CDH10: variants seen among roughly 807,000 people sequenced by gnomAD.
CDH10 encodes cadherin 10.
In CDH10, 30 loss-of-function variants were observed where a neutral mutation model predicts 73.1. That is an observed-to-expected ratio of 0.41 (90% CI 0.31 to 0.56). The LOEUF is 0.56. CDH10 is among the 20% of genes least tolerant of loss of function. CDH10 has a pLI of 0.27. For synonymous variants in CDH10, 345 were observed against 348.2 expected, an observed-to-expected ratio of 0.99 and a Z score of 0.10; for missense variants, 815 against 973.7, an observed-to-expected ratio of 0.84 and a Z score of 2.17.
intron 10 of CDH10, 77 bp downstream of exon 10, chr5:24,492,740 T>C (rs1263131685): frequency 2.8e-6 from 2 of 725,696 alleles, no homozygotes; most frequent in Non-Finnish European, 5.0e-6. Context: ...ATATGGCATA[T>C]ATATTGCAAT....
chr5:24,612,258 G>A (rs1746975178), intron 1 of CDH10: 1 of 152,150 alleles, frequency 6.6e-6, no homozygotes, highest in South Asian at 2.1e-4. Context: ...TCATATGTGT[G>A]TGAAGGGACA....
intron 8 of CDH10, among the ~76,000 whole-genome samples, chr5:24,498,976 C>T (rs1388772134): frequency 6.6e-6 from 1 of 151,970 alleles, no homozygotes; most frequent in East Asian, 1.9e-4. Context: ...AGCAAAAGAA[C>T]AAAGCTTCCA....
chr5:24,596,351 C>A (rs1475117656), intron 1 of CDH10, among the ~76,000 whole-genome samples: 1 of 151,824 alleles, frequency 6.6e-6, no homozygotes, highest in African/African-American at 2.4e-5. Context: ...GCTTTTTCCA[C>A]CCTATGGCTC....
intron 2 of CDH10, among the ~76,000 whole-genome samples, chr5:24,573,593 C>T (rs1425444584): frequency 1.3e-5 from 2 of 150,856 alleles, no homozygotes; most frequent in Admixed American, 1.3e-4. Flanking sequence ...CCCAGCTACT[C>T]CGGAGGCTGA....
At chr5:24,500,915 A>T (rs536130896) in intron 8 of CDH10, among the ~76,000 whole-genome samples, 1 of 143,266 alleles carries the variant, frequency 7.0e-6, no homozygotes, top group East Asian at 2.0e-4. Context: ...AGAAGTGGAG[A>T]GAGGAGGGAA....
intron 1 of CDH10, among the ~76,000 whole-genome samples, chr5:24,601,738 CT>C (rs1746571874): frequency 6.6e-6 from 1 of 150,626 alleles, no homozygotes; most frequent in Admixed American, 6.6e-5. Context: ...ATTTTTTTTT[CT>C]TTTTTTAAGA....
chr5:24,632,360 C>T (rs1747731964), intron 1 of CDH10, among the ~76,000 whole-genome samples: 2 of 151,468 alleles, frequency 1.3e-5, no homozygotes, highest in African/African-American at 4.9e-5. Flanking sequence ...ATTTCTGTTT[C>T]CCCTTTGAAG....
intron 2 of CDH10, among the ~76,000 whole-genome samples, chr5:24,569,743 ATCTT>A (rs1304570218): frequency 6.6e-6 from 1 of 151,182 alleles, no homozygotes; most frequent in East Asian, 1.9e-4. Flanking sequence ...ATCAGTGTGA[ATCTT>A]TATGTGAACA....
intron 1 of CDH10, among the ~76,000 whole-genome samples, chr5:24,638,846 T>C (rs1747950808): frequency 6.6e-6 from 1 of 151,830 alleles, no homozygotes; most frequent in African/African-American, 2.4e-5. Context: ...TTGACATATA[T>C]TTTACTCCAA....
chr5:24,545,602 G>T (rs1329676253), intron 2 of CDH10, among the ~76,000 whole-genome samples: 1 of 151,904 alleles, frequency 6.6e-6, no homozygotes, highest in Admixed American at 6.6e-5. Flanking sequence ...ATCTTTTGAG[G>T]CCAGGAGATC....
intron 5 of CDH10, among the ~76,000 whole-genome samples, chr5:24,529,136 TG>T (rs1743636199): frequency 6.6e-6 from 1 of 151,994 alleles, no homozygotes; most frequent in South Asian, 2.1e-4. Context: ...TTTACACTGT[TG>T]CTGTTTTATT....
Position 24,510,171 on chromosome 5 carries a change from C to T in CDH10, c.1003-352G>A, listed in dbSNP as rs115105131. Among the ~76,000 whole-genome samples the T allele has an allele frequency of 4.2e-3, 636 of 152,248 alleles. 5 individuals are homozygous for T. The highest frequency in any genetic ancestry group is 0.014 in the African/African-American group (600 of 41,550). On this transcript the variant is annotated intron_variant, in intron 6 of 11. Coordinates refer to ENST00000264463, the MANE Select transcript of CDH10 (RefSeq NM_006727.5). ...GAATGTGCACGTGCAAAGGTGTTAG[C>T]TACTGCTAAATTTTTCTAAGTAAAT...
Position 24,537,625 on chromosome 5 carries a change from G to T in CDH10, c.281C>A (p.Ser94Tyr). The change falls in exon 3 of 12, where the codon TCT becomes TAT. Residue 94 changes from serine (S) to tyrosine (Y), a missense_variant. Ser to Tyr is a moderately radical substitution (Grantham distance 144). Transcript: ENST00000264463. ...AAAAAGAGTACCAGCTCCATCTCCAGATAAGATATATTTGAGTGATCCATC... is the reference window on the plus strand; with the variant it reads ...AAAAAGAGTACCAGCTCCATCTCCATATAAGATATATTTGAGTGATCCATC... ...KGDGSLKYIL[S>Y]GDGAGTLFII... 2 of 1,604,672 alleles carry T rather than the reference G, an allele frequency of 1.2e-6. No homozygotes were observed. Among genetic ancestry groups the T allele is most frequent in the Non-Finnish European group, 8.5e-7 (1 of 1,172,040 alleles).
intron 11 of CDH10, 135 bp downstream of exon 11, chr5:24,491,441 A>G: frequency 1.5e-6 from 1 of 657,524 alleles, no homozygotes; most frequent in Non-Finnish European, 2.6e-6. Context: ...TTTAATATAA[A>G]GAATATCACA....
At chr5:24,602,399 CA>C (rs1746596126) in intron 1 of CDH10, among the ~76,000 whole-genome samples, 1 of 152,098 alleles carries the variant, frequency 6.6e-6, no homozygotes. Flanking sequence ...GCCATTCATT[CA>C]GTTTAATTGC....
At chr5:24,557,441 G>T (rs1454321256) in intron 2 of CDH10, among the ~76,000 whole-genome samples, 3 of 150,934 alleles carry the variant, frequency 2.0e-5, no homozygotes, top group Admixed American at 2.0e-4. Context: ...AGAACCAATT[G>T]CTGACTGAAA....
chr5:24,496,667 G>A (rs941878173), intron 9 of CDH10, among the ~76,000 whole-genome samples: 1 of 152,114 alleles, frequency 6.6e-6, no homozygotes, highest in Non-Finnish European at 1.5e-5. Context: ...GTGTTGGGTG[G>A]ACTGAGATAT....
chr5:24,581,789 C>G (rs564355710), intron 2 of CDH10, among the ~76,000 whole-genome samples: 2 of 152,124 alleles, frequency 1.3e-5, no homozygotes, highest in South Asian at 2.1e-4. Context: ...ACAGATAACC[C>G]AGGATGGAAC....
At chr5:24,538,054 TAA>T (rs1324196121) in intron 2 of CDH10, among the ~76,000 whole-genome samples, 34 of 152,180 alleles carry the variant, frequency 2.2e-4, no homozygotes, top group Admixed American at 4.6e-4. Flanking sequence ...ATTTTATTCT[TAA>T]ATGGTGCAAA....
Sources: gnomAD v4.1 joint callset for allele counts (sites outside exome capture counted in the v4.1 genomes callset) on GRCh38, gnomAD v4.1.1 for gene constraint, MANE v1.5 for transcripts, NCBI Gene and HGNC (gene_info 2026-07-23, HGNC 2026-07-21) for gene names.